SEC23A: variants seen among roughly 807,000 people sequenced by gnomAD.
SEC23A encodes SEC23 homolog A, COPII component.
SEC23A carries 56 observed loss-of-function variants against 103.7 expected under a neutral mutation model. The observed-to-expected ratio is 0.54, with a 90% CI of 0.44 to 0.67. SEC23A has a LOEUF of 0.67. Ranked by LOEUF, SEC23A falls within the 30% of genes least tolerant of loss-of-function variation. The pLI is 0.00. For synonymous variants in SEC23A, 281 were observed against 293.0 expected, an observed-to-expected ratio of 0.96 and a Z score of 0.42; for missense variants, 784 against 936.4, an observed-to-expected ratio of 0.84 and a Z score of 2.12.
chr14:39,052,437 G>C (rs1176270331), intron 14 of SEC23A, among the ~76,000 whole-genome samples: 2 of 152,126 alleles, frequency 1.3e-5, no homozygotes, highest in Non-Finnish European at 2.9e-5. Context: ...AATCATCTGA[G>C]TCATTTCAGT....
At chr14:39,040,549 A>C in intron 18 of SEC23A, 183 bp downstream of exon 18, 1 of 696,950 alleles carries the variant, frequency 1.4e-6, no homozygotes, top group Non-Finnish European at 2.4e-6. Context: ...GCAACTAGTC[A>C]ATAATCTTAC....
At chr14:39,072,100 T>C (rs761757411) in intron 9 of SEC23A, among the ~76,000 whole-genome samples, 2 of 151,660 alleles carry the variant, frequency 1.3e-5, no homozygotes, top group Non-Finnish European at 2.9e-5. Flanking sequence ...GGTGTGGTGG[T>C]GCACACCTGT....
At chr14:39,083,189 T>C (rs1213022141) in intron 7 of SEC23A, among the ~76,000 whole-genome samples, 3 of 152,172 alleles carry the variant, frequency 2.0e-5, no homozygotes, top group Admixed American at 1.3e-4. Context: ...CCAAAATCAT[T>C]AAACTAAAGG....
chr14:39,102,316 A>C (rs959979817), intron 1 of SEC23A, among the ~76,000 whole-genome samples: 2 of 152,238 alleles, frequency 1.3e-5, no homozygotes, highest in Admixed American at 6.5e-5. Context: ...ACATGCATTT[A>C]TATTTAAATC....
chr14:39,100,735 G>C (rs769392422), intron 1 of SEC23A, among the ~76,000 whole-genome samples: 4 of 151,530 alleles, frequency 2.6e-5, no homozygotes, highest in Non-Finnish European at 5.9e-5. Flanking sequence ...TTCATAACAT[G>C]ATATTATTTG....
rs747225104 is a variant in SEC23A at position 39,076,060 on chromosome 14, T to A, written c.862A>T (p.Met288Leu). The A allele has an allele frequency of 6.2e-6, 10 of 1,613,300 alleles. No individual in the cohort carries two copies. In the East Asian group the frequency reaches 2.2e-4, roughly 36 times the overall value. The change falls in exon 8 of 20, where the codon ATG becomes TTG. Residue 288 changes from methionine to leucine, a missense_variant. By Grantham distance (15) the Met-to-Leu change is conservative. Transcript: ENST00000307712. ...TFPNTGARIM[M>L]FIGGPATQGP... ...TGAGTAGCAGGACCACCAATGAACA[T>A]CATGATACGAGCACCAGTGTTGGGA... is the stretch of plus-strand genomic sequence containing the variant.
chr14:39,094,419 TA>T (rs1887801225), intron 2 of SEC23A, among the ~76,000 whole-genome samples: 1 of 61,180 alleles, frequency 1.6e-5, no homozygotes, highest in Non-Finnish European at 2.6e-5. Context: ...TATATATATA[TA>T]TATATATATA....
At chr14:39,041,453 G>GGT (rs374981143) in intron 17 of SEC23A, 1 of 84,708 alleles carries the variant, frequency 1.2e-5, no homozygotes, top group African/African-American at 4.4e-5. Context: ...AGTATTACAG[G>GGT]TTTTTTTTTT....
In SEC23A at chr14:39,085,699, C is replaced by T. The variant is rs1036157401; in HGVS notation, c.828+63G>A. 23 of 1,099,686 alleles carry T rather than the reference C, an allele frequency of 2.1e-5. No homozygotes were observed. Among genetic ancestry groups the T allele is most frequent in the African/African-American group, 1.7e-4 (7 of 42,354 alleles). 68.1% of individuals were successfully genotyped at this position (1,099,686 alleles called of 1,614,324 possible). A position where few individuals can be genotyped will look rare whatever the true frequency, so the allele number is the denominator to read the frequency against. On this transcript the variant is annotated intron_variant, in intron 7 of 19. Transcript: ENST00000307712. ...CCTTATAATTATATATACACACACA[C>T]ACACACACACACACACACACACACA...
At chr14:39,036,855 C>G (rs891486049) in intron 19 of SEC23A, among the ~76,000 whole-genome samples, 3 of 152,124 alleles carry the variant, frequency 2.0e-5, no homozygotes, top group African/African-American at 7.2e-5. Context: ...CCCACTAATT[C>G]CTTATAAATT....
chr14:39,037,309 A>C (rs1885494318), intron 19 of SEC23A, among the ~76,000 whole-genome samples: 1 of 152,038 alleles, frequency 6.6e-6, no homozygotes, highest in Non-Finnish European at 1.5e-5. Flanking sequence ...GTCTAAACCA[A>C]ACAATTTCTC....
chr14:39,073,994 A>G (rs529852485), intron 9 of SEC23A, among the ~76,000 whole-genome samples: 3 of 152,278 alleles, frequency 2.0e-5, no homozygotes, highest in African/African-American at 4.8e-5. Flanking sequence ...AGGAGGGAAT[A>G]ATGGGAAGTA....
At chr14:39,101,615 T>TC (rs139418928) in intron 1 of SEC23A, among the ~76,000 whole-genome samples, 14,348 of 147,794 alleles carry the variant, frequency 0.097, 897 homozygotes, top group East Asian at 0.31. Flanking sequence ...AGAGCGAGAC[T>TC]CCGTCTCAAA....
chr14:39,095,908 T>C lies in SEC23A; in HGVS notation c.211A>G (p.Asn71Asp), dbSNP rs1887870013. The C allele has an allele frequency of 6.2e-7, 1 of 1,611,424 alleles. No homozygotes were observed. Residue 71 changes from asparagine (N) to aspartate (D), a missense_variant, in exon 2 of 20, where the codon AAT becomes GAT. Coordinates refer to ENST00000307712, the MANE Select transcript of SEC23A (RefSeq NM_006364.4). ...CSRTTCRAVLNPLCQVDYRAK... is the reference protein window; with the variant it reads ...CSRTTCRAVLDPLCQVDYRAK... ...ATATATTTTACTTACCATAAAGGAT[T>C]CAAAACTGCACGGCAAGTGGTCCTA...
chr14:39,084,765 G>A (rs1887370178), intron 7 of SEC23A, among the ~76,000 whole-genome samples: 1 of 152,176 alleles, frequency 6.6e-6, no homozygotes, highest in East Asian at 1.9e-4. Flanking sequence ...CGCCTCTTGG[G>A]TTCAAGCAAT....
chr14:39,065,026 CTCAAAG>C (rs1317521845), intron 10 of SEC23A, 33 bp from the exon 11 acceptor site: 1 of 1,357,960 alleles, frequency 7.4e-7, no homozygotes, highest in South Asian at 1.2e-5. Context: ...GTTCGGTTTC[CTCAAAG>C]ATACGTTCAA....
At chr14:39,090,848 C>G in intron 5 of SEC23A, 1 of 230,552 alleles carries the variant, frequency 4.3e-6, no homozygotes. Flanking sequence ...GATCAATGCC[C>G]TTGTTAAAGC....
In SEC23A at chr14:39,059,307, AAAAC is replaced by A. The variant is rs1435376224; in HGVS notation, c.1505+2454_1505+2457del. Among the ~76,000 whole-genome samples the A allele has an allele frequency of 1.2e-4, 13 of 111,540 alleles. 1 individual carries two copies. Among genetic ancestry groups the A allele is most frequent in the African/African-American group, 4.5e-4 (13 of 29,080 alleles). 73.2% of individuals were successfully genotyped at this position (111,540 alleles called of 152,430 possible). The stretch of plus-strand genomic sequence containing the variant: ...AAAAAAAAAAAAAAAAAAAAAAAAA[AAAAC>A]AACAAGGTGCTCTGATCATTGGAAA... On this transcript the variant is annotated intron_variant, in intron 13 of 19. Transcript: ENST00000307712.
chr14:39,100,566 C>G (rs2139307613), intron 1 of SEC23A, among the ~76,000 whole-genome samples: 1 of 152,024 alleles, frequency 6.6e-6, no homozygotes, highest in South Asian at 2.1e-4. Context: ...GCATAAGCCA[C>G]CACACCTGGC....
Sources: allele counts gnomAD v4.1 joint callset (sites outside exome capture counted in the v4.1 genomes callset), GRCh38; gene constraint gnomAD v4.1.1; transcripts MANE v1.5; gene names NCBI Gene and HGNC (gene_info 2026-07-23, HGNC 2026-07-21).